CYTIP: variants seen among roughly 807,000 people sequenced by gnomAD.
The protein encoded by CYTIP is cytohesin 1 interacting protein.
A neutral mutation model predicts 43.8 loss-of-function variants in CYTIP; 26 were observed. The observed-to-expected ratio is 0.59, with a 90% CI of 0.44 to 0.82. The LOEUF (loss-of-function observed/expected upper bound fraction) is 0.82, where lower values mean the gene tolerates loss of function less well. Among genes scored for constraint, CYTIP ranks in the 40% least tolerant of loss-of-function variants. The pLI is 0.00. For synonymous variants in CYTIP, 162 were observed against 162.9 expected (o/e 0.99, Z 0.04); for missense variants, 426 against 443.1 (o/e 0.96, Z 0.35).
At chr2:157,423,237 G>T (rs1685552261) in intron 6 of CYTIP, among the ~76,000 whole-genome samples, 1 of 151,752 alleles carries the variant, frequency 6.6e-6, no homozygotes, top group Admixed American at 6.6e-5. Context: ...GATTAAAGAT[G>T]GCCACAAATA....
intron 5 of CYTIP, among the ~76,000 whole-genome samples, chr2:157,428,653 C>A (rs939104995): frequency 1.3e-5 from 2 of 152,228 alleles, no homozygotes; most frequent in Non-Finnish European, 2.9e-5. Flanking sequence ...ACCCTCTTCA[C>A]CCATGTGGAA....
intron 3 of CYTIP, among the ~76,000 whole-genome samples, chr2:157,432,331 C>G (rs983465867): frequency 6.6e-5 from 10 of 152,158 alleles, no homozygotes; most frequent in African/African-American, 2.4e-4. Flanking sequence ...CCCAAAGCTA[C>G]AGAAAGTATT....
intron 1 of CYTIP, among the ~76,000 whole-genome samples, chr2:157,441,499 AG>A (rs1183197721): frequency 6.6e-6 from 1 of 152,190 alleles, no homozygotes; most frequent in Admixed American, 6.5e-5. Context: ...ATTTGAGAGA[AG>A]GGGAATGAGA....
chr2:157,415,315 A>G lies in CYTIP; in HGVS notation c.*362T>C, dbSNP rs948334215. The G allele has an allele frequency of 5.5e-6, 1 of 182,720 alleles. No individual in the cohort carries two copies. The allele number at this position is 182,720 out of a possible 1,614,324, so 11.3% of individuals were successfully genotyped here. A position where few individuals can be genotyped will look rare whatever the true frequency, so the allele number is the denominator to read the frequency against. ...TATAGAAAATAGTCCAGATTATTAT[A>G]TTCTGCCACACCTTTATTCATACTT... On this transcript the variant is annotated 3_prime_UTR_variant, in exon 8 of 8. Coordinates refer to ENST00000264192, the MANE Select transcript of CYTIP (RefSeq NM_004288.5).
chr2:157,434,364 G>A lies in CYTIP; in HGVS notation c.279+6C>T, dbSNP rs370187917. ...TGGAAGTCTAGAAAATGTGAAAATT[G>A]CCCACCTGAATTTCAAATCCAAATG... On this transcript the variant is annotated splice_donor_region_variant and intron_variant, in intron 3 of 7. Coordinates refer to ENST00000264192, the MANE Select transcript of CYTIP (RefSeq NM_004288.5). 1 of 1,610,190 alleles carries A rather than the reference G, an allele frequency of 6.2e-7. No individual in the cohort carries two copies. Among genetic ancestry groups the A allele is most frequent in the African/African-American group, 1.3e-5 (1 of 74,882 alleles).
chr2:157,420,649 A>C (rs10933437), intron 6 of CYTIP, among the ~76,000 whole-genome samples: 30 of 41,904 alleles, frequency 7.2e-4, no homozygotes, highest in African/African-American at 2.2e-3. Context: ...AGACCCTGCC[A>C]CAAAAAAAAA....
chr2:157,427,304 C>T, intron 6 of CYTIP, 47 bp downstream of exon 6: 2 of 1,472,320 alleles, frequency 1.4e-6, no homozygotes, highest in Non-Finnish European at 9.3e-7. Flanking sequence ...TTACCACTCA[C>T]ACATTCAAGG....
intron 6 of CYTIP, among the ~76,000 whole-genome samples, chr2:157,425,992 G>T (rs1192287989): frequency 1.3e-5 from 2 of 151,768 alleles, no homozygotes; most frequent in Non-Finnish European, 2.9e-5. Context: ...TTTATTATCT[G>T]CAAATGATAA....
chr2:157,435,607 A>T (rs1238980956), intron 1 of CYTIP, among the ~76,000 whole-genome samples: 1 of 152,192 alleles, frequency 6.6e-6, no homozygotes, highest in Non-Finnish European at 1.5e-5. Context: ...AAATTGCAGC[A>T]GGTTTTTGTG....
intron 3 of CYTIP, among the ~76,000 whole-genome samples, chr2:157,433,428 A>G (rs1322619925): frequency 6.6e-6 from 1 of 152,152 alleles, no homozygotes; most frequent in Non-Finnish European, 1.5e-5. Flanking sequence ...TTTTCTTAGC[A>G]GTTTCCTGTT....
chr2:157,436,312 T>C (rs1685806465), intron 1 of CYTIP, among the ~76,000 whole-genome samples: 1 of 152,200 alleles, frequency 6.6e-6, no homozygotes, highest in Admixed American at 6.5e-5. Flanking sequence ...TCTATGTTAG[T>C]GGGCTTCCTT....
At chr2:157,428,953 C>A (rs1362202324) in intron 5 of CYTIP, among the ~76,000 whole-genome samples, 1 of 152,204 alleles carries the variant, frequency 6.6e-6, no homozygotes, top group African/African-American at 2.4e-5. Context: ...TCCTGGCATC[C>A]AGAGCAGGTG....
At chr2:157,426,646 G>T (rs1283873100) in intron 6 of CYTIP, among the ~76,000 whole-genome samples, 2 of 152,132 alleles carry the variant, frequency 1.3e-5, no homozygotes, top group African/African-American at 2.4e-5. Context: ...TCTGCAAGGG[G>T]GAGATTGGGA....
At chr2:157,435,923 A>G (rs1166146342) in intron 1 of CYTIP, among the ~76,000 whole-genome samples, 1 of 152,234 alleles carries the variant, frequency 6.6e-6, no homozygotes, top group Non-Finnish European at 1.5e-5. Flanking sequence ...TTAGGAGTGA[A>G]GCCTACATCA....
chr2:157,432,213 A>G (rs1338395329), intron 3 of CYTIP, among the ~76,000 whole-genome samples: 3 of 152,226 alleles, frequency 2.0e-5, no homozygotes, highest in Admixed American at 2.0e-4. Flanking sequence ...CCAGAGATCA[A>G]AGTAAGTACA....
At chr2:157,434,306 A>G in intron 3 of CYTIP, 64 bp downstream of exon 3, 1 of 1,266,178 alleles carries the variant, frequency 7.9e-7, no homozygotes, top group South Asian at 1.2e-5. Context: ...TTCTTTGCAC[A>G]TAACATGACA....
At chr2:157,423,264 T>C (rs1185584199) in intron 6 of CYTIP, among the ~76,000 whole-genome samples, 2 of 149,276 alleles carry the variant, frequency 1.3e-5, no homozygotes, top group Admixed American at 6.7e-5. Context: ...TTCTAGAAGA[T>C]CCAAAAATAG....
chr2:157,438,788 T>G (rs912482153), intron 1 of CYTIP: 4 of 158,798 alleles, frequency 2.5e-5, no homozygotes, highest in Non-Finnish European at 4.4e-5. Flanking sequence ...AAAACAAAGA[T>G]AGTAGTGCCT....
chr2:157,430,671 A>C lies in CYTIP; in HGVS notation c.383-19T>G. 1 of 1,606,626 alleles carries C rather than the reference A, an allele frequency of 6.2e-7. No individual in the cohort carries two copies. The highest frequency in any genetic ancestry group is 8.5e-7 in the Non-Finnish European group (1 of 1,173,190). ...ACATCACCTGGGAGATGCCAAGAAAAATGAGTGTTATGTTGGTTAGTTAAA... is the reference window on the plus strand; with the variant it reads ...ACATCACCTGGGAGATGCCAAGAAACATGAGTGTTATGTTGGTTAGTTAAA... On this transcript the variant is annotated intron_variant, in intron 4 of 7. Transcript: ENST00000264192.
Sources: gnomAD v4.1 joint callset for allele counts (sites outside exome capture counted in the v4.1 genomes callset) on GRCh38, gnomAD v4.1.1 for gene constraint, MANE v1.5 for transcripts, NCBI Gene and HGNC (gene_info 2026-07-23, HGNC 2026-07-21) for gene names.